Variants in MAPT observed in about 807,000 individuals in gnomAD.
MAPT encodes microtubule associated protein tau.
A neutral mutation model predicts 67.9 loss-of-function variants in MAPT; 34 were observed. The ratio of observed to expected loss-of-function variants is 0.50; its 90% CI spans 0.38 to 0.67. The LOEUF (loss-of-function observed/expected upper bound fraction) is 0.67, where lower values mean the gene tolerates loss of function less well. Among genes scored for constraint, MAPT ranks in the 30% least tolerant of loss-of-function variants. MAPT has a pLI of 0.00. For synonymous variants in MAPT, 456 were observed against 464.5 expected, an observed-to-expected ratio of 0.98 and a Z score of 0.23; for missense variants, 881 against 1,115.2, an observed-to-expected ratio of 0.79 and a Z score of 2.99.
At chr17:45,947,276 G>T (rs1352936085) in intron 1 of MAPT, among the ~76,000 whole-genome samples, 1 of 152,040 alleles carries the variant, frequency 6.6e-6, no homozygotes, top group East Asian at 1.9e-4. Flanking sequence ...CTTCTTAGAA[G>T]CTCAAAGTTG....
At chr17:45,913,291 A>T (rs936734815) in intron 1 of MAPT, among the ~76,000 whole-genome samples, 3 of 152,152 alleles carry the variant, frequency 2.0e-5, no homozygotes, top group African/African-American at 7.2e-5. Flanking sequence ...AAACCATCAG[A>T]TCTCGTTAGA....
intron 2 of MAPT, among the ~76,000 whole-genome samples, chr17:45,969,537 C>T (rs1187944813): frequency 6.6e-6 from 1 of 150,848 alleles, no homozygotes; most frequent in African/African-American, 2.4e-5. Flanking sequence ...ATCCATTCTT[C>T]CCTCGGTTCA....
rs2067992317 is a variant in MAPT, at chr17:45,941,717, T to TCCTTCCTG, written c.-17-20597_-17-20596insGCCTTCCT. ...TTCCTTCCTGCCTGCCTTCCTTCCT[T>TCCTTCCTG]CCTTCCTTCCTTCCTTCCTTCCTTC... On this transcript the variant is annotated intron_variant, in intron 1 of 12. Transcript: ENST00000262410. Among the ~76,000 whole-genome samples, 60 of 88,422 alleles carry TCCTTCCTG rather than the reference T, an allele frequency of 6.8e-4. 2 individuals carry two copies. The highest frequency in any genetic ancestry group is 5.4e-3 in the Middle Eastern group (1 of 186). 58.0% of individuals were successfully genotyped at this position (88,422 alleles called of 152,430 possible). A position where few individuals can be genotyped will look rare whatever the true frequency, so the allele number is the denominator to read the frequency against.
chr17:45,977,051 A>T (rs906275867), intron 3 of MAPT: 36 of 153,256 alleles, frequency 2.3e-4, no homozygotes, highest in Non-Finnish European at 5.2e-4. Context: ...ATGACAAGGC[A>T]CTGTCACCAC....
At chr17:45,978,538 T>G (rs1334790462) in intron 4 of MAPT, 98 bp downstream of exon 4, 4 of 967,060 alleles carry the variant, frequency 4.1e-6, no homozygotes, top group Non-Finnish European at 6.4e-6. Flanking sequence ...TGAGCTCTAA[T>G]TCACAAGTCC....
At chr17:45,951,272 C>T (rs532883081) in intron 1 of MAPT, among the ~76,000 whole-genome samples, 50 of 152,338 alleles carry the variant, frequency 3.3e-4, no homozygotes, top group African/African-American at 1.0e-3. Context: ...TGTTTTGGAA[C>T]TAGATAGAGG....
Position 45,996,652 on chromosome 17 carries a change from G to A in MAPT, c.1986G>A (p.Pro662=), listed in dbSNP as rs11568305. 66,088 of 1,613,756 alleles carry A rather than the reference G, an allele frequency of 0.041. 1,538 individuals carry two copies. Among genetic ancestry groups the A allele is most frequent in the Middle Eastern group, 0.11 (678 of 6,062 alleles). The part of the protein sequence containing the change: ...IGSTENLKHQ[P]GGGKVQIINK... ...CCACTGAGAACCTGAAGCACCAGCC[G>A]GGAGGCGGGAAGGTGAGAGTGGCTG... Residue 662 remains proline (P), a synonymous_variant, in exon 9 of 13, where the codon CCG becomes CCA. Coordinates refer to ENST00000262410, the MANE Select transcript of MAPT (RefSeq NM_001377265.1). The surrounding 1 kb of genome is among the most constrained non-coding windows in gnomAD (Gnocchi z 4.5).
chr17:45,948,769 G>GAGGTAATAA (rs1299550609), intron 1 of MAPT, among the ~76,000 whole-genome samples: 21 of 152,214 alleles, frequency 1.4e-4, no homozygotes, highest in Non-Finnish European at 2.6e-4. Flanking sequence ...AACTGGAAAT[G>GAGGTAATAA]CTTCAAACAT....
At chr17:46,006,963 A>G (rs1301220842) in intron 9 of MAPT, among the ~76,000 whole-genome samples, 1 of 129,708 alleles carries the variant, frequency 7.7e-6, no homozygotes, top group Admixed American at 8.2e-5. Context: ...ATAAAATAAA[A>G]TAAAATAAAA....
At chr17:45,989,802 A>T in intron 6 of MAPT, 76 bp from the exon 7 acceptor site, 1 of 1,310,196 alleles carries the variant, frequency 7.6e-7, no homozygotes, top group Non-Finnish European at 1.1e-6. Context: ...ATTTTTAGTT[A>T]CTGTCCTTTT....
Position 46,025,001 on chromosome 17 carries a change from A to C in MAPT, c.*830A>C, listed in dbSNP as rs1467262132. 6.5e-6 allele frequency: 1 copy of C among 152,730 alleles called. No individual in the cohort carries two copies. Among genetic ancestry groups the C allele is most frequent in the Non-Finnish European group, 1.5e-5 (1 of 68,470 alleles). 9.5% of individuals were successfully genotyped at this position (152,730 alleles called of 1,614,324 possible). A position where few individuals can be genotyped will look rare whatever the true frequency, so the allele number is the denominator to read the frequency against. The stretch of plus-strand genomic sequence containing the variant: ...TTCGTGGATGACCTCCTTAGAAAAG[A>C]CTGACCTTGATGTCTTGAGAGCGCT... On this transcript the variant is annotated 3_prime_UTR_variant, in exon 13 of 13. Coordinates refer to ENST00000262410, the MANE Select transcript of MAPT (RefSeq NM_001377265.1).
intron 1 of MAPT, among the ~76,000 whole-genome samples, chr17:45,901,263 C>T (rs997446739): frequency 2.6e-5 from 4 of 152,220 alleles, no homozygotes; most frequent in African/African-American, 7.2e-5. Context: ...CCAAACTGAC[C>T]TGCCTTCCCG....
intron 1 of MAPT, among the ~76,000 whole-genome samples, chr17:45,923,982 C>A (rs1437872457): frequency 6.6e-6 from 1 of 152,194 alleles, no homozygotes; most frequent in East Asian, 1.9e-4. Context: ...TAGAGTGGAG[C>A]TTTGCAAGTA....
intron 2 of MAPT, among the ~76,000 whole-genome samples, chr17:45,963,449 T>C (rs2070684044): frequency 6.6e-6 from 1 of 152,124 alleles, no homozygotes; most frequent in African/African-American, 2.4e-5. Flanking sequence ...TGGTCGAGGC[T>C]GTCTCCGCGC....
At chr17:45,904,204 TA>T (rs1467262210) in intron 1 of MAPT, among the ~76,000 whole-genome samples, 1 of 41,288 alleles carries the variant, frequency 2.4e-5, no homozygotes, top group African/African-American at 9.2e-5. Flanking sequence ...ATTATATATC[TA>T]ATATATTATA....
At chr17:45,990,636 A>C in intron 7 of MAPT, 1 of 319,690 alleles carries the variant, frequency 3.1e-6, no homozygotes, top group South Asian at 2.3e-5. Context: ...TGCTACTCTC[A>C]TTGGGTTCCT....
At chr17:46,011,582 C>T (rs1022800627) in intron 10 of MAPT, among the ~76,000 whole-genome samples, 2 of 152,072 alleles carry the variant, frequency 1.3e-5, no homozygotes, top group Non-Finnish European at 2.9e-5. Context: ...ACTGGGCACC[C>T]GAGGCTCCTC....
At chr17:45,903,669 C>T (rs1355136523) in intron 1 of MAPT, among the ~76,000 whole-genome samples, 46 of 130,306 alleles carry the variant, frequency 3.5e-4, no homozygotes, top group African/African-American at 1.3e-3. Flanking sequence ...GAGCCGAGAT[C>T]GCACCACTGC....
chr17:45,919,538 T>TA (rs2065500208), intron 1 of MAPT, among the ~76,000 whole-genome samples: 1 of 152,168 alleles, frequency 6.6e-6, no homozygotes, highest in African/African-American at 2.4e-5. Context: ...CTCCTTTACA[T>TA]GTTTCTACCT....
Sources: allele counts gnomAD v4.1 joint callset (sites outside exome capture counted in the v4.1 genomes callset), GRCh38; gene constraint gnomAD v4.1.1; non-coding constraint Gnocchi (gnomAD v3.1); transcripts MANE v1.5; gene names NCBI Gene and HGNC (gene_info 2026-07-23, HGNC 2026-07-21).